The following AUTS2 variants were observed in gnomAD, a reference collection of about 807,000 sequenced individuals.
AUTS2 encodes autism susceptibility gene 2 protein.
Under a neutral mutation model 112.4 loss-of-function variants are expected in AUTS2, and 17 were observed. The observed-to-expected ratio is 0.15, with a 90% CI of 0.10 to 0.23. The LOEUF is 0.23. Ranked by LOEUF, AUTS2 falls within the 10% of genes least tolerant of loss-of-function variation. The pLI, the probability that AUTS2 is intolerant of heterozygous loss-of-function variation, is 1.00. For missense variants in AUTS2, 1,510 were observed against 1,701.6 expected, an observed-to-expected ratio of 0.89 and a Z score of 1.98; for synonymous variants, 751 against 702.7, an observed-to-expected ratio of 1.07 and a Z score of -1.09.
chr7:70,566,659 T>A lies in AUTS2; in HGVS notation c.690+130878T>A, dbSNP rs138931493. On this transcript the variant is annotated intron_variant, in intron 5 of 18. Coordinates refer to ENST00000342771, the MANE Select transcript of AUTS2 (RefSeq NM_015570.4). Reference sequence around the variant, plus strand: ...TCTGATCTTTCATGCTAAGTTAGCATGTCCAAAATATTGAAAAACAGATGA... The same window carrying A: ...TCTGATCTTTCATGCTAAGTTAGCAAGTCCAAAATATTGAAAAACAGATGA... 5.3e-3 allele frequency among the ~76,000 whole-genome samples: 807 copies of A among 152,330 alleles called. 5 individuals carry two copies. The highest frequency in any genetic ancestry group is 8.2e-3 in the Non-Finnish European group (558 of 68,028).
In AUTS2 at chr7:70,053,562, C is replaced by T. The variant is rs144749623; in HGVS notation, c.523-64570C>T. On this transcript the variant is annotated intron_variant, in intron 2 of 18. Coordinates refer to ENST00000342771, the MANE Select transcript of AUTS2 (RefSeq NM_015570.4). ...TTGGGTGGTTTTTTTTTTTTGGAGACAGGATCTCACTCTGTTTCCCAGGCT... is the reference window on the plus strand; with the variant it reads ...TTGGGTGGTTTTTTTTTTTTGGAGATAGGATCTCACTCTGTTTCCCAGGCT... Among the ~76,000 whole-genome samples the T allele has an allele frequency of 7.0e-3, 578 of 82,056 alleles. 4 individuals are homozygous for T. The highest frequency in any genetic ancestry group is 0.019 in the Middle Eastern group (3 of 158). The allele number at this position is 82,056 out of a possible 152,430, so 53.8% of individuals were successfully genotyped here.
chr7:70,500,834 G>T (rs936186302), intron 5 of AUTS2, among the ~76,000 whole-genome samples: 1 of 151,772 alleles, frequency 6.6e-6, no homozygotes, highest in African/African-American at 2.4e-5. Flanking sequence ...CGATTCTCCC[G>T]CCTCAGCCTC....
intron 4 of AUTS2, among the ~76,000 whole-genome samples, chr7:70,362,975 A>T: frequency 6.6e-6 from 1 of 152,336 alleles, no homozygotes; most frequent in Non-Finnish European, 1.5e-5. Flanking sequence ...CTGGAATGAC[A>T]TCAACCCCAC....
chr7:69,910,429 C>A (rs901719762), intron 2 of AUTS2, among the ~76,000 whole-genome samples: 3 of 152,124 alleles, frequency 2.0e-5, no homozygotes, highest in African/African-American at 7.2e-5. Context: ...TATATTAGTT[C>A]TTTTCCACGC....
At chr7:69,777,691 A>G (rs1788954529) in intron 1 of AUTS2, among the ~76,000 whole-genome samples, 1 of 152,156 alleles carries the variant, frequency 6.6e-6, no homozygotes, top group South Asian at 2.1e-4. Flanking sequence ...TTTACAAATG[A>G]TTTTTTGTTT....
At chr7:69,646,342 TGA>T (rs1323386413) in intron 1 of AUTS2, among the ~76,000 whole-genome samples, 2 of 152,238 alleles carry the variant, frequency 1.3e-5, no homozygotes, top group Non-Finnish European at 2.9e-5. Context: ...GCTTTTTTAA[TGA>T]GAGTGTGAAG....
chr7:70,400,620 C>T (rs1562936206), intron 4 of AUTS2, among the ~76,000 whole-genome samples: 4 of 152,094 alleles, frequency 2.6e-5, no homozygotes, highest in Admixed American at 1.3e-4. Flanking sequence ...CATGCCAAGC[C>T]GTGAAGATTG....
chr7:70,211,200 G>T (rs1181427113), intron 4 of AUTS2, among the ~76,000 whole-genome samples: 1 of 152,104 alleles, frequency 6.6e-6, no homozygotes, highest in Non-Finnish European at 1.5e-5. Context: ...ATTGCTGAAG[G>T]AAGGAAATCC....
chr7:70,698,698 G>A, intron 6 of AUTS2, 78 bp downstream of exon 6: 2 of 1,107,214 alleles, frequency 1.8e-6, no homozygotes, highest in Non-Finnish European at 2.6e-6. Context: ...AGAAAGAAGA[G>A]CTAGAGTGAT....
intron 1 of AUTS2, among the ~76,000 whole-genome samples, chr7:69,750,435 A>G (rs2129266752): frequency 6.7e-6 from 1 of 148,748 alleles, no homozygotes; most frequent in Admixed American, 6.7e-5. Flanking sequence ...TTATATTAGT[A>G]TATTAGTATT....
At chr7:70,032,256 G>A (rs1328543596) in intron 2 of AUTS2, among the ~76,000 whole-genome samples, 1 of 152,080 alleles carries the variant, frequency 6.6e-6, no homozygotes, top group Admixed American at 6.6e-5. Flanking sequence ...TAACTCCGCT[G>A]TATCATAAAT....
intron 4 of AUTS2, among the ~76,000 whole-genome samples, chr7:70,368,906 C>G (rs914310603): frequency 4.2e-4 from 64 of 152,198 alleles, no homozygotes; most frequent in African/African-American, 1.3e-3. Flanking sequence ...ATGTTTGGAA[C>G]AGCTGTTTGT....
At chr7:69,970,164 G>A (rs1486327706) in intron 2 of AUTS2, among the ~76,000 whole-genome samples, 7 of 152,038 alleles carry the variant, frequency 4.6e-5, no homozygotes, top group Non-Finnish European at 1.0e-4. Flanking sequence ...GAATTAGATT[G>A]GTGCCTAGCT....
At position 69,979,522 on chromosome 7, in the gene AUTS2, A is replaced by G. The variant is rs893409704; in HGVS notation, c.522+80024A>G. ...AAGTTAGTACAAGGAGGTAAATGGA[A>G]TCACAGTTTCAAATGTTAAATTTGA... On this transcript the variant is annotated intron_variant, in intron 2 of 18. Transcript: ENST00000342771. Among the ~76,000 whole-genome samples the G allele has an allele frequency of 2.6e-5, 4 of 152,250 alleles. No homozygotes were observed. In the East Asian group the frequency reaches 7.7e-4, roughly 29 times the overall value.
chr7:70,481,892 C>CA, intron 5 of AUTS2, among the ~76,000 whole-genome samples: 1 of 152,104 alleles, frequency 6.6e-6, no homozygotes, highest in East Asian at 1.9e-4. Flanking sequence ...TGACAAAACA[C>CA]AAAAAAGTGC....
chr7:70,422,581 A>G (rs1795267873), intron 4 of AUTS2, among the ~76,000 whole-genome samples: 1 of 152,160 alleles, frequency 6.6e-6, no homozygotes, highest in Non-Finnish European at 1.5e-5. Flanking sequence ...GTTTGAGACC[A>G]GCCTGGCCAA....
At chr7:70,413,202 A>C (rs1247035675) in intron 4 of AUTS2, among the ~76,000 whole-genome samples, 1 of 152,156 alleles carries the variant, frequency 6.6e-6, no homozygotes, top group East Asian at 1.9e-4. Context: ...GCTCATCTTC[A>C]AATAGCCTTG....
At chr7:70,497,633 T>C (rs1326288351) in intron 5 of AUTS2, among the ~76,000 whole-genome samples, 1 of 152,170 alleles carries the variant, frequency 6.6e-6, no homozygotes, top group Admixed American at 6.5e-5. Context: ...TTCTGAAAGG[T>C]AGATTTTCTT....
At chr7:70,097,633 ACATTGTCAACCCCATT>A (rs1434036887) in intron 2 of AUTS2, among the ~76,000 whole-genome samples, 1 of 152,218 alleles carries the variant, frequency 6.6e-6, no homozygotes. Flanking sequence ...TGTATTCTAT[ACATTGTCAACCCCATT>A]CCTAGCTGAT....
Sources: allele counts gnomAD v4.1 joint callset (sites outside exome capture counted in the v4.1 genomes callset), GRCh38; gene constraint gnomAD v4.1.1; transcripts MANE v1.5; gene names NCBI Gene and HGNC (gene_info 2026-07-23, HGNC 2026-07-21).